Variants in CAPN2 observed in about 807,000 individuals in gnomAD.
CAPN2 encodes the protein calpain-2 catalytic subunit.
CAPN2 carries 92 observed loss-of-function variants against 102.3 expected under a neutral mutation model. The ratio of observed to expected loss-of-function variants is 0.90; its 90% CI spans 0.76 to 1.07. CAPN2 has a LOEUF of 1.07. CAPN2 is among the 50% of genes least tolerant of loss of function. CAPN2 has a pLI of 0.00. For synonymous variants in CAPN2, 340 were observed against 355.4 expected (o/e 0.96, Z 0.49); for missense variants, 800 against 909.4 (o/e 0.88, Z 1.55).
At chr1:223,762,323 G>A (rs1232648918) in intron 14 of CAPN2, 72 bp downstream of exon 14, 4 of 1,243,486 alleles carry the variant, frequency 3.2e-6, no homozygotes, top group East Asian at 2.3e-5. Context: ...GTCCCCAAGG[G>A]GACTTTAGTT....
At chr1:223,735,786 C>CT (rs67182964) in intron 2 of CAPN2, among the ~76,000 whole-genome samples, 104,090 of 147,362 alleles carry the variant, frequency 0.71, 37,858 homozygotes, top group Admixed American at 0.79. Flanking sequence ...CGTTTCTTTT[C>CT]TTTTTTTTTT....
chr1:223,713,332 A>G (rs1571777842), intron 1 of CAPN2, among the ~76,000 whole-genome samples: 1 of 152,066 alleles, frequency 6.6e-6, no homozygotes, highest in Non-Finnish European at 1.5e-5. Flanking sequence ...ATGGAGGGGG[A>G]CAGGCCATAG....
chr1:223,713,952 G>A (rs1659806584), intron 1 of CAPN2, among the ~76,000 whole-genome samples: 1 of 152,096 alleles, frequency 6.6e-6, no homozygotes, highest in Admixed American at 6.5e-5. Flanking sequence ...CTCTTTTGTG[G>A]CCCACTAGGC....
intron 20 of CAPN2, among the ~76,000 whole-genome samples, chr1:223,774,092 CAT>C (rs1661552933): frequency 1.3e-5 from 2 of 151,988 alleles, no homozygotes; most frequent in Admixed American, 6.5e-5. Context: ...AAACATGCCA[CAT>C]GTTAAGTTCT....
At chr1:223,705,706 T>C (rs1659587880) in intron 1 of CAPN2, among the ~76,000 whole-genome samples, 1 of 152,186 alleles carries the variant, frequency 6.6e-6, no homozygotes, top group Non-Finnish European at 1.5e-5. Flanking sequence ...GAGAAAAGCA[T>C]GCTGCTCTAT....
At chr1:223,744,658 C>T (rs140839723) in intron 3 of CAPN2, among the ~76,000 whole-genome samples, 29 of 152,158 alleles carry the variant, frequency 1.9e-4, no homozygotes, top group African/African-American at 5.3e-4. Context: ...GTCAGGAGTT[C>T]GAGACCAGCC....
At chr1:223,762,132 C>A in intron 13 of CAPN2, 54 bp from the exon 14 acceptor site, 1 of 1,495,142 alleles carries the variant, frequency 6.7e-7, no homozygotes, top group Non-Finnish European at 9.3e-7. Flanking sequence ...CGGGCAGACA[C>A]TTGGTGTCAT....
chr1:223,766,331 A>C, intron 15 of CAPN2, 36 bp from the exon 16 acceptor site: 2 of 1,544,750 alleles, frequency 1.3e-6, no homozygotes, highest in Non-Finnish European at 1.8e-6. Flanking sequence ...ATCACCGCTC[A>C]GAGATTTTTC....
At chr1:223,712,960 G>C (rs896130382) in intron 1 of CAPN2, 83 bp downstream of exon 1, 4 of 1,049,314 alleles carry the variant, frequency 3.8e-6, no homozygotes, top group East Asian at 7.0e-5. Flanking sequence ...CGCTGGGGCG[G>C]GGGGCAGCCC....
chr1:223,755,328 C>A lies in CAPN2; in HGVS notation c.1136-152C>A. On this transcript the variant is annotated intron_variant, in intron 9 of 20. Coordinates refer to ENST00000295006, the MANE Select transcript of CAPN2 (RefSeq NM_001748.5). This position sits in a 1 kb window ranked among gnomAD's most constrained non-coding sequence, Gnocchi z 4.1. ...GCCATACTCTGCCATCTCCCACCAT[C>A]CCCCACCACCTCTTACCATCTCCCA... 1.5e-6 allele frequency: 1 copy of A among 684,702 alleles called. No individual in the cohort carries two copies. Among genetic ancestry groups the A allele is most frequent in the Non-Finnish European group, 2.5e-6 (1 of 403,242 alleles). 42.4% of individuals were successfully genotyped at this position (684,702 alleles called of 1,614,324 possible).
intron 1 of CAPN2, among the ~76,000 whole-genome samples, chr1:223,705,814 TA>T (rs1659591760): frequency 6.6e-6 from 1 of 152,236 alleles, no homozygotes; most frequent in Non-Finnish European, 1.5e-5. Flanking sequence ...CTGCTGATGA[TA>T]ACAATGATAG....
chr1:223,768,191 T>A (rs1160686808), intron 16 of CAPN2, among the ~76,000 whole-genome samples: 7 of 150,074 alleles, frequency 4.7e-5, no homozygotes, highest in African/African-American at 1.7e-4. Flanking sequence ...GCTCTTTAGT[T>A]TAATTAGATC....
intron 2 of CAPN2, among the ~76,000 whole-genome samples, chr1:223,739,948 T>A (rs1251666055): frequency 1.3e-5 from 2 of 152,308 alleles, no homozygotes; most frequent in South Asian, 2.1e-4. Context: ...CTAAACAGGC[T>A]TTGCCAGGAA....
intron 5 of CAPN2, among the ~76,000 whole-genome samples, chr1:223,748,809 G>T (rs1558071205): frequency 6.6e-6 from 1 of 152,252 alleles, no homozygotes; most frequent in Non-Finnish European, 1.5e-5. Flanking sequence ...CGTTCCGCGA[G>T]AGGGTTGCAT....
Position 223,759,172 on chromosome 1 carries a change from A to G in CAPN2, c.1318-98A>G, listed in dbSNP as rs1661119090. The G allele has an allele frequency of 8.5e-7, 1 of 1,170,942 alleles. No homozygotes were observed. Among genetic ancestry groups the G allele is most frequent in the Non-Finnish European group, 1.3e-6 (1 of 792,428 alleles). The allele number at this position is 1,170,942 out of a possible 1,614,324, so 72.5% of individuals were successfully genotyped here. On this transcript the variant is annotated intron_variant, in intron 11 of 20. Transcript: ENST00000295006. The surrounding 1 kb of genome is among the most constrained non-coding windows in gnomAD (Gnocchi z 4.6). ...TACACCAGGACAGCAGGACTGAGCC[A>G]CCACACTACCCAACTGCTTTTATCT...
intron 14 of CAPN2, among the ~76,000 whole-genome samples, chr1:223,763,359 C>G (rs1661236005): frequency 6.6e-6 from 1 of 152,198 alleles, no homozygotes; most frequent in Admixed American, 6.5e-5. Flanking sequence ...CCCTCTGCTC[C>G]CTCCCAGATT....
At chr1:223,712,428 A>C (rs2154114), upstream of CAPN2, 26,111 of 1,094,246 alleles carry the variant, frequency 0.024, 3,022 homozygotes, top group African/African-American at 0.28. Context: ...AGGCCGCAGG[A>C]TGGCCTGGTC....
At chr1:223,709,720 AC>A (rs1190416091), upstream of CAPN2, among the ~76,000 whole-genome samples, 1 of 152,166 alleles carries the variant, frequency 6.6e-6, no homozygotes, top group Non-Finnish European at 1.5e-5. Context: ...GGATGTTATA[AC>A]TGGTTCAAAG....
At chr1:223,702,597 A>G (rs1659512223) in intron 1 of CAPN2, among the ~76,000 whole-genome samples, 1 of 152,198 alleles carries the variant, frequency 6.6e-6, no homozygotes, top group South Asian at 2.1e-4. Flanking sequence ...CTCTAAGTCC[A>G]TAGAAAAGTC....
Sources: gnomAD v4.1 joint callset for allele counts (sites outside exome capture counted in the v4.1 genomes callset) on GRCh38, gnomAD v4.1.1 for gene constraint, Gnocchi (gnomAD v3.1) non-coding constraint, MANE v1.5 for transcripts, NCBI Gene and HGNC (gene_info 2026-07-23, HGNC 2026-07-21) for gene names.